The following SPEN variants were observed in gnomAD, a reference collection of about 807,000 sequenced individuals.
The protein encoded by SPEN is msx2-interacting protein.
SPEN carries 18 observed loss-of-function variants against 269.9 expected under a neutral mutation model. The observed-to-expected ratio is 0.07, with a 90% CI of 0.05 to 0.10. SPEN has a LOEUF of 0.10. Among genes scored for constraint, SPEN ranks in the 10% least tolerant of loss-of-function variants. The pLI, the probability that SPEN is intolerant of heterozygous loss-of-function variation, is 1.00. For synonymous variants in SPEN, 1,726 were observed against 1,765.7 expected, an observed-to-expected ratio of 0.98 and a Z score of 0.56; for missense variants, 3,822 against 4,631.2, an observed-to-expected ratio of 0.83 and a Z score of 5.07.
chr1:15,876,069 A>G (rs555085502), intron 2 of SPEN, 133 bp from the exon 3 acceptor site: 314 of 655,986 alleles, frequency 4.8e-4, no homozygotes, highest in Non-Finnish European at 6.9e-4. Flanking sequence ...TTTGCTTATT[A>G]AGTAGGTTAA....
rs750574214 is a variant in SPEN, at chr1:15,937,679, C to G, written c.10509+34C>G. The stretch of plus-strand genomic sequence containing the variant: ...GAGCAGGGGCTGCCCTTCCTGGCCC[C>G]CAAGTTTTATGCCATGTCAAATGTC... On this transcript the variant is annotated intron_variant, in intron 12 of 14. Coordinates refer to ENST00000375759, the MANE Select transcript of SPEN (RefSeq NM_015001.3). This position sits in a 1 kb window ranked among gnomAD's most constrained non-coding sequence, Gnocchi z 5.7. The G allele has an allele frequency of 6.2e-7, 1 of 1,607,280 alleles. No homozygotes were observed. The highest frequency in any genetic ancestry group is 8.5e-7 in the Non-Finnish European group (1 of 1,175,130).
At chr1:15,910,662 T>A (rs2071003743) in intron 4 of SPEN, among the ~76,000 whole-genome samples, 1 of 151,770 alleles carries the variant, frequency 6.6e-6, no homozygotes, top group Non-Finnish European at 1.5e-5. Context: ...ATCCTTGATG[T>A]TGTTTTATTT....
rs534331428 is a variant in SPEN at position 15,913,570 on chromosome 1, T to C, written c.1243+2269T>C. 7.9e-4 allele frequency among the ~76,000 whole-genome samples: 120 copies of C among 151,230 alleles called. 1 individual carries two copies. Among genetic ancestry groups the C allele is most frequent in the Non-Finnish European group, 7.4e-5 (5 of 67,806 alleles). On this transcript the variant is annotated intron_variant, in intron 5 of 14. Transcript: ENST00000375759. ...ACCTCCTGGGCTCAAGCGATCCTCC[T>C]GCCTTGGCCTCCCAAAGTGCTAGGA...
chr1:15,855,865 G>GA (rs939175572), intron 1 of SPEN, among the ~76,000 whole-genome samples: 131 of 134,952 alleles, frequency 9.7e-4, no homozygotes, highest in African/African-American at 2.2e-3. Context: ...TCTGTCTCGA[G>GA]AAAAAAAAAA....
At chr1:15,879,200 A>G (rs113287553) in intron 3 of SPEN, among the ~76,000 whole-genome samples, 4 of 151,196 alleles carry the variant, frequency 2.6e-5, no homozygotes, top group African/African-American at 9.7e-5. Context: ...AATTATCTGG[A>G]GGTGGTGGTG....
At position 15,928,851 on chromosome 1, in the gene SPEN, C is replaced by T. The variant is rs151043425; in HGVS notation, c.2611C>T (p.Arg871Cys). The stretch of plus-strand genomic sequence containing the variant: ...TGACAAAGAGGGAATAGCGAAAAAC[C>T]GCCTGGAACTCATGCCTTGCGTGGT... ...KADKEGIAKN[R>C]LELMPCVVLT... The change falls in exon 11 of 15, where the codon CGC (arginine) becomes TGC (cysteine). Residue 871 changes from arginine to cysteine, a missense_variant. By Grantham distance (180) the Arg-to-Cys change is radical. Coordinates refer to ENST00000375759, the MANE Select transcript of SPEN (RefSeq NM_015001.3). The surrounding 1 kb of genome is among the most constrained non-coding windows in gnomAD (Gnocchi z 5.7). 47 of 1,613,926 alleles carry T rather than the reference C, an allele frequency of 2.9e-5. 1 individual carries two copies. The highest frequency in any genetic ancestry group is 8.9e-5 in the East Asian group (4 of 44,896).
At position 15,848,265 on chromosome 1, in the gene SPEN, C is replaced by T. The variant is rs868766295; in HGVS notation, c.83+115C>T. 1.6e-6 allele frequency: 1 copy of T among 612,964 alleles called. No individual in the cohort carries two copies. The highest frequency in any genetic ancestry group is 4.0e-5 in the East Asian group (1 of 25,172). 38.0% of individuals were successfully genotyped at this position (612,964 alleles called of 1,614,324 possible). A position where few individuals can be genotyped will look rare whatever the true frequency, so the allele number is the denominator to read the frequency against. Reference sequence around the variant, plus strand: ...TGGTGAGGAGGACTCCGGCCCGGACCCACGGGCGCTGTGGGACCTCGTCAG... The same window carrying T: ...TGGTGAGGAGGACTCCGGCCCGGACTCACGGGCGCTGTGGGACCTCGTCAG... On this transcript the variant is annotated intron_variant, in intron 1 of 14. Coordinates refer to ENST00000375759, the MANE Select transcript of SPEN (RefSeq NM_015001.3). The surrounding 1 kb of genome is among the most constrained non-coding windows in gnomAD (Gnocchi z 5.1).
At chr1:15,867,917 T>C (rs1301210246) in intron 1 of SPEN, among the ~76,000 whole-genome samples, 1 of 152,106 alleles carries the variant, frequency 6.6e-6, no homozygotes, top group East Asian at 1.9e-4. Context: ...CACCGCAACT[T>C]CCGCCTCCTG....
chr1:15,910,402 C>A (rs184930133), intron 4 of SPEN, among the ~76,000 whole-genome samples: 1 of 152,042 alleles, frequency 6.6e-6, no homozygotes, highest in Non-Finnish European at 1.5e-5. Context: ...ACTTCTCACA[C>A]AATTTTATCA....
In SPEN at chr1:15,937,813, A is replaced by G; in HGVS notation, c.10511A>G (p.Lys3504Arg). The part of the protein sequence containing the change: ...RPVDMVQLLK[K>R]YPIVWQGLLA... Reference sequence around the variant, plus strand: ...TCCTGTTTGTTTCCCTGTGAGCAGAAGTACCCCATCGTGTGGCAGGGCCTG... The same window carrying G: ...TCCTGTTTGTTTCCCTGTGAGCAGAGGTACCCCATCGTGTGGCAGGGCCTG... The change falls in exon 13 of 15, where the codon AAG becomes AGG. Residue 3504 changes from lysine (K) to arginine (R), a missense_variant and splice_region_variant. By Grantham distance (26) the Lys-to-Arg change is conservative (BLOSUM62 2). Coordinates refer to ENST00000375759, the MANE Select transcript of SPEN (RefSeq NM_015001.3). This position sits in a 1 kb window ranked among gnomAD's most constrained non-coding sequence, Gnocchi z 5.7. 6.2e-7 allele frequency: 1 copy of G among 1,614,076 alleles called. No homozygotes were observed.
At position 15,931,660 on chromosome 1, in the gene SPEN, T is replaced by C; in HGVS notation, c.5420T>C (p.Val1807Ala). 1 of 1,614,122 alleles carries C rather than the reference T, an allele frequency of 6.2e-7. No individual in the cohort carries two copies. The highest frequency in any genetic ancestry group is 1.1e-5 in the South Asian group (1 of 91,078). The change falls in exon 11 of 15, where the codon GTT becomes GCT. Residue 1807 changes from valine (V) to alanine (A), a missense_variant. Around this residue, in one of 16 missense-constraint regions of SPEN, gnomAD observed 533 missense variants for 618.8 expected, o/e 0.86. Coordinates refer to ENST00000375759, the MANE Select transcript of SPEN (RefSeq NM_015001.3). This position sits in a 1 kb window ranked among gnomAD's most constrained non-coding sequence, Gnocchi z 4.8. ...SQPPASEDLE[V>A]DPPVAAKDKK... Reference sequence around the variant, plus strand: ...CCCCCAGCTTCTGAAGATTTAGAGGTTGATCCTCCAGTTGCTGCAAAGGAT... The same window carrying C: ...CCCCCAGCTTCTGAAGATTTAGAGGCTGATCCTCCAGTTGCTGCAAAGGAT...
chr1:15,889,516 A>G (rs2070769958), intron 3 of SPEN, among the ~76,000 whole-genome samples: 2 of 151,874 alleles, frequency 1.3e-5, no homozygotes, highest in South Asian at 2.1e-4. Flanking sequence ...TATTCTTTAT[A>G]CAAGCACCCC....
chr1:15,854,459 T>G (rs2070365950), intron 1 of SPEN, among the ~76,000 whole-genome samples: 1 of 152,166 alleles, frequency 6.6e-6, no homozygotes, highest in South Asian at 2.1e-4. Flanking sequence ...AATTAGAATG[T>G]TAATCATTTT....
Position 15,937,620 on chromosome 1 carries a change from C to G in SPEN, c.10484C>G (p.Pro3495Arg). ...DSSPHLTSQR[P>R]VDMVQLLKKY... ...TCTCCACACCTGACTTCCCAGAGAC[C>G]CGTGGATATGGTTCAACTTCTGAAG... Residue 3495 changes from proline to arginine, a missense_variant, in exon 12 of 15, where the codon CCC (proline) becomes CGC (arginine). Pro to Arg is a moderately radical substitution (Grantham distance 103, BLOSUM62 -2). Around this residue, in one of 16 missense-constraint regions of SPEN, gnomAD observed 359 missense variants for 377.3 expected, o/e 0.95. Coordinates refer to ENST00000375759, the MANE Select transcript of SPEN (RefSeq NM_015001.3). The surrounding 1 kb of genome is among the most constrained non-coding windows in gnomAD (Gnocchi z 5.7). 1 of 1,613,660 alleles carries G rather than the reference C, an allele frequency of 6.2e-7. No individual in the cohort carries two copies. Among genetic ancestry groups the G allele is most frequent in the Non-Finnish European group, 8.5e-7 (1 of 1,179,556 alleles).
chr1:15,893,120 A>C (rs1339456705), intron 3 of SPEN, among the ~76,000 whole-genome samples: 1 of 152,128 alleles, frequency 6.6e-6, no homozygotes, highest in East Asian at 1.9e-4. Flanking sequence ...ACAACAACAA[A>C]AACACTTTCA....
chr1:15,925,637 C>A (rs2071159646), intron 10 of SPEN, among the ~76,000 whole-genome samples: 1 of 143,474 alleles, frequency 7.0e-6, no homozygotes, highest in African/African-American at 2.6e-5. Context: ...CTGTGTTGAT[C>A]CTGCCAGTCT....
At chr1:15,860,423 G>A (rs2148705014) in intron 1 of SPEN, among the ~76,000 whole-genome samples, 1 of 140,766 alleles carries the variant, frequency 7.1e-6, no homozygotes, top group East Asian at 2.1e-4. Flanking sequence ...GTGTGTATGT[G>A]TAGCTAAGGT....
At chr1:15,867,264 A>T (rs1434548156) in intron 1 of SPEN, among the ~76,000 whole-genome samples, 1 of 152,202 alleles carries the variant, frequency 6.6e-6, no homozygotes, top group Non-Finnish European at 1.5e-5. Flanking sequence ...TTCTTTCATT[A>T]TGCATGTTCT....
rs138115027 is a variant in SPEN at position 15,933,769 on chromosome 1, C to T, written c.7529C>T (p.Ala2510Val). The change falls in exon 11 of 15, where the codon GCT becomes GTT. Residue 2510 changes from alanine to valine, a missense_variant. Ala to Val is a moderately conservative substitution (Grantham distance 64). Around this residue, in one of 16 missense-constraint regions of SPEN, gnomAD observed 727 missense variants for 737.9 expected, o/e 0.99. Coordinates refer to ENST00000375759, the MANE Select transcript of SPEN (RefSeq NM_015001.3). The surrounding 1 kb of genome is among the most constrained non-coding windows in gnomAD (Gnocchi z 5.7). Reference protein sequence around the residue: ...EWITRQEEPRAQSTPSPALPP... With the variant: ...EWITRQEEPRVQSTPSPALPP... The stretch of plus-strand genomic sequence containing the variant: ...ATCACAAGGCAGGAGGAGCCACGGG[C>T]TCAGTCTACTCCATCTCCAGCTCTT... 917 of 1,613,824 alleles carry T rather than the reference C, an allele frequency of 5.7e-4. No homozygotes were observed. Among genetic ancestry groups the T allele is most frequent in the Admixed American group, 1.4e-3 (82 of 60,012 alleles).
Sources: allele counts gnomAD v4.1 joint callset (sites outside exome capture counted in the v4.1 genomes callset), GRCh38; gene constraint gnomAD v4.1.1; regional missense constraint gnomAD v4.1.1; non-coding constraint Gnocchi (gnomAD v3.1); transcripts MANE v1.5; gene names NCBI Gene and HGNC (gene_info 2026-07-23, HGNC 2026-07-21).